The following TBCD variants were observed in gnomAD, a reference collection of about 807,000 sequenced individuals.
TBCD encodes tubulin folding cofactor D.
TBCD carries 105 observed loss-of-function variants against 169.3 expected under a neutral mutation model. The observed-to-expected ratio is 0.62, with a 90% CI of 0.53 to 0.73. TBCD has a LOEUF of 0.73. Among genes scored for constraint, TBCD ranks in the 30% least tolerant of loss-of-function variants. The pLI is 0.00. For missense variants in TBCD, 1,444 were observed against 1,600.1 expected (o/e 0.90, Z 1.66); for synonymous variants, 700 against 643.9 (o/e 1.09, Z -1.32).
chr17:82,909,254 C>A (rs1473367381), intron 21 of TBCD, 31 bp from the exon 22 acceptor site: 2 of 1,455,646 alleles, frequency 1.4e-6, no homozygotes, highest in Non-Finnish European at 1.9e-6. Flanking sequence ...AAATTTAAAT[C>A]ATTAAATAAC....
intron 13 of TBCD, among the ~76,000 whole-genome samples, chr17:82,861,897 T>C (rs115054118): frequency 0.025 from 3,739 of 152,268 alleles, 176 homozygotes; most frequent in African/African-American, 0.085. Context: ...GACAATTCTT[T>C]TAAAAACCTG....
Position 82,814,824 on chromosome 17 carries a change from T to A in TBCD, c.1224-16T>A. On this transcript the variant is annotated splice_polypyrimidine_tract_variant and intron_variant, in intron 12 of 38. Coordinates refer to ENST00000355528, the MANE Select transcript of TBCD (RefSeq NM_005993.5). ...TGACACGTGGGCTGTGGTCTCAGGATCTTTGTTGCTCTCAGTTTCCAGGAG... is the reference window on the plus strand; with the variant it reads ...TGACACGTGGGCTGTGGTCTCAGGAACTTTGTTGCTCTCAGTTTCCAGGAG... 1 of 1,613,598 alleles carries A rather than the reference T, an allele frequency of 6.2e-7. No homozygotes were observed. The highest frequency in any genetic ancestry group is 8.5e-7 in the Non-Finnish European group (1 of 1,179,716).
intron 13 of TBCD, chr17:82,858,494 GTTCTA>G: frequency 1.1e-6 from 1 of 873,928 alleles, no homozygotes; most frequent in Non-Finnish European, 1.4e-6. Flanking sequence ...TGGCTGGGCA[GTTCTA>G]CAGGTACTAC....
At chr17:82,921,286 C>T (rs2147150875) in intron 24 of TBCD, 1 of 563,626 alleles carries the variant, frequency 1.8e-6, no homozygotes, top group South Asian at 2.5e-5. Context: ...GCTGGTATTT[C>T]CCTCAATAAG....
At chr17:82,938,218 T>C (rs938605833) in intron 36 of TBCD, 82 bp downstream of exon 36, 1 of 1,429,940 alleles carries the variant, frequency 7.0e-7, no homozygotes, top group Admixed American at 1.9e-5. Flanking sequence ...CTGGCACTGT[T>C]GTGTTGGTGT....
rs1599810156 is a variant in TBCD, at chr17:82,945,002, G to C, written c.*2539G>C. The C allele has an allele frequency of 6.6e-6, 1 of 152,324 alleles. No homozygotes were observed. Among genetic ancestry groups the C allele is most frequent in the East Asian group, 1.9e-4 (1 of 5,186 alleles). The allele number at this position is 152,324 out of a possible 1,614,324, so 9.4% of individuals were successfully genotyped here. On this transcript the variant is annotated 3_prime_UTR_variant, in exon 39 of 39. Coordinates refer to ENST00000355528, the MANE Select transcript of TBCD (RefSeq NM_005993.5). ...CCAAAACTCCTAAAGTGGAAAATTT[G>C]ATTGACTTGGCCCTGACCAGTGGTA...
intron 38 of TBCD, chr17:82,941,846 G>T: frequency 3.4e-6 from 1 of 295,722 alleles, no homozygotes; most frequent in Non-Finnish European, 6.3e-6. Flanking sequence ...TGGGGCCGGG[G>T]CTGGGTGAGA....
At chr17:82,911,841 T>C (rs1044570762) in intron 23 of TBCD, 52 bp downstream of exon 23, 21 of 1,603,870 alleles carry the variant, frequency 1.3e-5, no homozygotes, top group Non-Finnish European at 1.8e-5. Context: ...GCAGCCATCG[T>C]TGAGGGAGGT....
At position 82,774,056 on chromosome 17, in the gene TBCD, A is replaced by AT. The variant is rs1335636283; in HGVS notation, c.638+1556dup. On this transcript the variant is annotated intron_variant, in intron 6 of 38. Transcript: ENST00000355528. Reference sequence around the variant, plus strand: ...AGTGTGTCTTTTTTTTTTTTTTTTAATTTTTTTAGTATTTATTGATCATTC... The same window carrying AT: ...AGTGTGTCTTTTTTTTTTTTTTTTAATTTTTTTTAGTATTTATTGATCATTC... Among the ~76,000 whole-genome samples the AT allele has an allele frequency of 3.7e-4, 50 of 136,154 alleles. No homozygotes were observed. In the East Asian group the frequency reaches 9.1e-3, roughly 25 times the overall value. The allele number at this position is 136,154 out of a possible 152,430, so 89.3% of individuals were successfully genotyped here.
rs6502016 is a variant in TBCD, at chr17:82,930,396, G to A, written c.2992-126G>A. On this transcript the variant is annotated intron_variant, in intron 32 of 38. Coordinates refer to ENST00000355528, the MANE Select transcript of TBCD (RefSeq NM_005993.5). The surrounding 1 kb of genome is among the most constrained non-coding windows in gnomAD (Gnocchi z 5.2). ...CGTCCGCACCAGCCGCTTGGGGCCA[G>A]ACCTTCGCGTCTCTGCAGCTCGGAG... 2.5e-3 allele frequency: 3,521 copies of A among 1,394,696 alleles called. 93 individuals carry two copies. In the African/African-American group the frequency reaches 0.045, roughly 18 times the overall value. The allele number at this position is 1,394,696 out of a possible 1,614,324, so 86.4% of individuals were successfully genotyped here. A position where few individuals can be genotyped will look rare whatever the true frequency, so the allele number is the denominator to read the frequency against.
chr17:82,828,828 C>CACACCCACA (rs2053199098), intron 13 of TBCD, among the ~76,000 whole-genome samples: 1 of 151,198 alleles, frequency 6.6e-6, no homozygotes, highest in African/African-American at 2.4e-5. Context: ...CGAATGTGCA[C>CACACCCACA]GCCTAATCAG....
At chr17:82,814,246 C>T (rs904743240) in intron 12 of TBCD, among the ~76,000 whole-genome samples, 17 of 152,238 alleles carry the variant, frequency 1.1e-4, no homozygotes, top group East Asian at 1.9e-4. Flanking sequence ...TTTCCACTGA[C>T]GTCTTCCTGT....
intron 13 of TBCD, among the ~76,000 whole-genome samples, chr17:82,820,857 T>C (rs117148068): frequency 2.3e-5 from 2 of 88,352 alleles, no homozygotes; most frequent in Admixed American, 1.1e-4. Flanking sequence ...TGTGTTAATA[T>C]ACATGTTGGT....
intron 17 of TBCD, among the ~76,000 whole-genome samples, chr17:82,899,174 G>A (rs1351217064): frequency 2.6e-5 from 3 of 113,696 alleles, no homozygotes; most frequent in African/African-American, 2.8e-5. Flanking sequence ...CAGTGCGCGC[G>A]TCCTCGGCTC....
chr17:82,790,404 T>G (rs2049625921), intron 7 of TBCD, among the ~76,000 whole-genome samples: 1 of 152,154 alleles, frequency 6.6e-6, no homozygotes, highest in Admixed American at 6.5e-5. Context: ...CTCGGAAGCT[T>G]GTGGCCTGGG....
At position 82,772,313 on chromosome 17, in the gene TBCD, T is replaced by C. The variant is rs146435343; in HGVS notation, c.583-139T>C. ...GAAGAGAGGTTTTTTTTTGCAGCTT[T>C]GGACTTAGGCCTGTGCTGGTAAGGT... is the stretch of plus-strand genomic sequence containing the variant. On this transcript the variant is annotated intron_variant, in intron 5 of 38. Transcript: ENST00000355528. 2.9e-4 allele frequency: 241 copies of C among 828,576 alleles called. 1 individual carries two copies. Among genetic ancestry groups the C allele is most frequent in the African/African-American group, 2.6e-3 (151 of 58,788 alleles). 51.3% of individuals were successfully genotyped at this position (828,576 alleles called of 1,614,324 possible).
At chr17:82,932,830 G>A in intron 34 of TBCD, 95 bp downstream of exon 34, 1 of 1,283,522 alleles carries the variant, frequency 7.8e-7, no homozygotes, top group Non-Finnish European at 1.1e-6. Context: ...CAGAATTCCA[G>A]GAAATGATCT....
chr17:82,868,588 A>G (rs2057348810), intron 13 of TBCD, among the ~76,000 whole-genome samples: 1 of 152,218 alleles, frequency 6.6e-6, no homozygotes, highest in African/African-American at 2.4e-5. Context: ...AGTAATCACC[A>G]TATGTATATA....
intron 13 of TBCD, among the ~76,000 whole-genome samples, chr17:82,815,876 C>CCAGACTTCT (rs2051853053): frequency 6.6e-6 from 1 of 152,144 alleles, no homozygotes; most frequent in Admixed American, 6.5e-5. Flanking sequence ...TTATTTTTTT[C>CCAGACTTCT]CAGACTTCTT....
Sources: gnomAD v4.1 joint callset for allele counts (sites outside exome capture counted in the v4.1 genomes callset) on GRCh38, gnomAD v4.1.1 for gene constraint, Gnocchi (gnomAD v3.1) non-coding constraint, MANE v1.5 for transcripts, NCBI Gene and HGNC (gene_info 2026-07-23, HGNC 2026-07-21) for gene names.